The following DNAH3 variants were observed in gnomAD, a reference collection of about 807,000 sequenced individuals.
DNAH3 encodes the protein axonemal beta dynein heavy chain 3.
In DNAH3, 332 loss-of-function variants were observed where a neutral mutation model predicts 432.5. That is an observed-to-expected ratio of 0.77 (90% CI 0.70 to 0.84). DNAH3 has a LOEUF of 0.84. DNAH3 is among the 40% of genes least tolerant of loss of function. The pLI is 0.00. For synonymous variants in DNAH3, 1,956 were observed against 1,900.2 expected (o/e 1.03, Z -0.76); for missense variants, 4,861 against 5,114.0 (o/e 0.95, Z 1.51).
In DNAH3 at chr16:20,975,529, T is replaced by G. The variant is rs574431450; in HGVS notation, c.8077-114A>C. On this transcript the variant is annotated intron_variant, in intron 50 of 61. Transcript: ENST00000261383. The stretch of plus-strand genomic sequence containing the variant: ...ATAAGCAGAAAATATGTACTAATGA[T>G]TTTGACATGGTCCTGGGTACAGATT... 3.0e-6 allele frequency: 3 copies of G among 999,414 alleles called. No individual in the cohort carries two copies. In the South Asian group the frequency reaches 4.8e-5, roughly 16 times the overall value. 61.9% of individuals were successfully genotyped at this position (999,414 alleles called of 1,614,324 possible). A position where few individuals can be genotyped will look rare whatever the true frequency, so the allele number is the denominator to read the frequency against.
In DNAH3 at chr16:20,985,853, TGTTTTGTTTC is replaced by T. The variant is rs2086166769; in HGVS notation, c.7027-148_7027-139del. The T allele has an allele frequency of 2.6e-5, 24 of 913,632 alleles. No individual in the cohort carries two copies. The South Asian group carries it at 3.1e-4, about 12-fold the overall frequency. The allele number at this position is 913,632 out of a possible 1,614,324, so 56.6% of individuals were successfully genotyped here. ...CTTCAAGGTCATGGGTCATCAGTTT[TGTTTTGTTTC>T]GTTTTGTTTTGAGACAGAGTCTCAC... On this transcript the variant is annotated intron_variant, in intron 47 of 61. Transcript: ENST00000261383.
At chr16:21,120,284 G>C (rs1021432950) in intron 11 of DNAH3, among the ~76,000 whole-genome samples, 1 of 151,870 alleles carries the variant, frequency 6.6e-6, no homozygotes, top group Non-Finnish European at 1.5e-5. Flanking sequence ...ATTTTGTAGA[G>C]ATGAGGTCTT....
intron 43 of DNAH3, among the ~76,000 whole-genome samples, chr16:20,999,304 C>T (rs922787482): frequency 6.6e-6 from 1 of 152,016 alleles, no homozygotes; most frequent in South Asian, 2.1e-4. Context: ...GCAAAGCTTA[C>T]CCTGTTTTTG....
chr16:21,153,946 C>T (rs560996384), intron 1 of DNAH3, among the ~76,000 whole-genome samples: 1 of 152,188 alleles, frequency 6.6e-6, no homozygotes, highest in Admixed American at 6.5e-5. Context: ...TGCTCTTTAT[C>T]ACAAAGTATA....
At chr16:21,081,245 T>G (rs2091174164) in intron 20 of DNAH3, among the ~76,000 whole-genome samples, 1 of 151,900 alleles carries the variant, frequency 6.6e-6, no homozygotes, top group Admixed American at 6.6e-5. Flanking sequence ...TTGGACCAGG[T>G]TTCACACAAT....
In DNAH3 at chr16:20,964,960, C is replaced by G. The variant is rs372450641; in HGVS notation, c.8924G>C (p.Gly2975Ala). The G allele has an allele frequency of 6.8e-6, 11 of 1,614,078 alleles. No individual in the cohort carries two copies. In the African/African-American group the frequency reaches 9.3e-5, roughly 14 times the overall value. The change falls in exon 53 of 62, where the codon GGG becomes GCG. Residue 2975 changes from glycine (G) to alanine (A), a missense_variant. Transcript: ENST00000261383. ...TTCGGTCCATCTGTCCTTCTCTCCC[C>G]CAAGACCACTGATCAGTTTCTCTGC...
At chr16:21,048,566 G>A (rs998379634) in intron 31 of DNAH3, among the ~76,000 whole-genome samples, 4 of 152,242 alleles carry the variant, frequency 2.6e-5, no homozygotes, top group Non-Finnish European at 5.9e-5. Flanking sequence ...ACTGACCTGC[G>A]CCCACTGTCT....
At chr16:21,064,070 T>C (rs2090456074) in intron 24 of DNAH3, among the ~76,000 whole-genome samples, 1 of 152,238 alleles carries the variant, frequency 6.6e-6, no homozygotes, top group Admixed American at 6.5e-5. Context: ...GGGTGGAGTC[T>C]GTTTTCACAT....
intron 14 of DNAH3, among the ~76,000 whole-genome samples, chr16:21,110,732 T>C (rs2092050368): frequency 6.6e-6 from 1 of 152,026 alleles, no homozygotes; most frequent in African/African-American, 2.4e-5. Context: ...GAACCAAACA[T>C]GGTGGCTCAC....
At chr16:21,024,525 T>C in intron 39 of DNAH3, 71 bp downstream of exon 39, 1 of 1,106,406 alleles carries the variant, frequency 9.0e-7, no homozygotes, top group Non-Finnish European at 1.3e-6. Flanking sequence ...GGTGAAGATG[T>C]ACCTAGAAGA....
chr16:21,000,168 G>C, intron 43 of DNAH3, 56 bp downstream of exon 43: 2 of 1,554,144 alleles, frequency 1.3e-6, no homozygotes, highest in Non-Finnish European at 1.8e-6. Context: ...GCTATAGTTT[G>C]CTGCAGCTTA....
chr16:21,157,336 CTTTTTT>C (rs34449371), intron 1 of DNAH3, among the ~76,000 whole-genome samples: 1 of 111,870 alleles, frequency 8.9e-6, no homozygotes. Flanking sequence ...GTGATTGCTT[CTTTTTT>C]TTTTTTTTTT....
intron 1 of DNAH3, among the ~76,000 whole-genome samples, chr16:21,157,915 T>TGGG (rs145116590): frequency 1.3e-3 from 193 of 146,516 alleles, no homozygotes; most frequent in African/African-American, 4.4e-3. Flanking sequence ...CAACTGGAGG[T>TGGG]GGGGGGGGGC....
intron 53 of DNAH3, among the ~76,000 whole-genome samples, chr16:20,961,515 A>AT (rs534852672): frequency 1.3e-4 from 20 of 148,764 alleles, no homozygotes; most frequent in African/African-American, 4.1e-4. Context: ...AAATGAATAA[A>AT]AAAATAAAAT....
At chr16:21,041,279 G>A (rs867274020) in intron 32 of DNAH3, among the ~76,000 whole-genome samples, 2 of 152,106 alleles carry the variant, frequency 1.3e-5, no homozygotes, top group African/African-American at 4.8e-5. Flanking sequence ...GCTGAGGCAG[G>A]AGAATCACTT....
intron 20 of DNAH3, among the ~76,000 whole-genome samples, chr16:21,080,068 G>T (rs987696946): frequency 6.6e-6 from 1 of 152,244 alleles, no homozygotes; most frequent in Middle Eastern, 3.4e-3. Context: ...AGGCCGAGGT[G>T]GGCAGATCAC....
chr16:21,078,350 A>T lies in DNAH3; in HGVS notation c.2970-2789T>A, dbSNP rs943350376. Among the ~76,000 whole-genome samples the T allele has an allele frequency of 2.0e-5, 3 of 152,150 alleles. No individual in the cohort carries two copies. In the East Asian group the frequency reaches 5.8e-4, roughly 29 times the overall value. ...TGTTCAATCAAATAGGACCAATTAA[A>T]TAGAGCGGAGAACCCTCATTTAGCC... On this transcript the variant is annotated intron_variant, in intron 20 of 61. Transcript: ENST00000261383.
At chr16:20,956,319 A>G (rs779082839) in intron 54 of DNAH3, among the ~76,000 whole-genome samples, 5 of 152,188 alleles carry the variant, frequency 3.3e-5, no homozygotes, top group African/African-American at 1.2e-4. Flanking sequence ...CTGATCCTAC[A>G]TGGCAACAGT....
At chr16:21,005,475 G>A (rs1016178184) in intron 41 of DNAH3, among the ~76,000 whole-genome samples, 12 of 151,934 alleles carry the variant, frequency 7.9e-5, no homozygotes, top group South Asian at 4.2e-4. Flanking sequence ...TCAACCTCCC[G>A]GGCTCAAGCA....
Sources: gnomAD v4.1 joint callset for allele counts (sites outside exome capture counted in the v4.1 genomes callset) on GRCh38, gnomAD v4.1.1 for gene constraint, MANE v1.5 for transcripts, NCBI Gene and HGNC (gene_info 2026-07-23, HGNC 2026-07-21) for gene names.